ZNF749: variants seen among roughly 807,000 people sequenced by gnomAD.
The protein encoded by ZNF749 is zinc finger protein 749.
Under a neutral mutation model 7.3 loss-of-function variants are expected in ZNF749, and 8 were observed. That is an observed-to-expected ratio of 1.10 (90% CI 0.64 to 1.98). The LOEUF (loss-of-function observed/expected upper bound fraction) is 1.98. ZNF749 is among the 30% of genes most tolerant of loss of function. The pLI is 0.00. For missense variants in ZNF749, 898 were observed against 932.4 expected (o/e 0.96, Z 0.48); for synonymous variants, 310 against 322.4 (o/e 0.96, Z 0.41).
chr19:57,432,771 C>A (rs79167504), upstream of ZNF749, among the ~76,000 whole-genome samples: 1 of 151,854 alleles, frequency 6.6e-6, no homozygotes, highest in Non-Finnish European at 1.5e-5. Context: ...ACAGGTTAGA[C>A]GTTATTTCAC....
In ZNF749 at chr19:57,445,019, G is replaced by T. The variant is rs373133672; in HGVS notation, c.1871G>T (p.Arg624Leu). The change falls in exon 3 of 3, where the codon CGC becomes CTC. Residue 624 changes from arginine (R) to leucine (L), a missense_variant. By Grantham distance (102) the Arg-to-Leu change is moderately radical (BLOSUM62 -2). Transcript: ENST00000334181. The stretch of plus-strand genomic sequence containing the variant: ...AAATGTGGGAAATTCTTTAGATATC[G>T]CTGTACACTGAGTAGACATCAGAAA... Reference protein sequence around the residue: ...CSKCGKFFRYRCTLSRHQKVH... With the variant: ...CSKCGKFFRYLCTLSRHQKVH... 6.2e-7 allele frequency: 1 copy of T among 1,614,186 alleles called. No homozygotes were observed. The highest frequency in any genetic ancestry group is 1.1e-5 in the South Asian group (1 of 91,082).
At chr19:57,440,788 T>A (rs1185461809) in intron 1 of ZNF749, among the ~76,000 whole-genome samples, 1 of 151,872 alleles carries the variant, frequency 6.6e-6, no homozygotes, top group African/African-American at 2.4e-5. Flanking sequence ...AGTTTGGGTG[T>A]CTGGGAGGCA....
In ZNF749 at chr19:57,442,049, G is replaced by A. The variant is rs2088996480; in HGVS notation, c.142+38G>A. 2 of 1,599,814 alleles carry A rather than the reference G, an allele frequency of 1.3e-6. No individual in the cohort carries two copies. The highest frequency in any genetic ancestry group is 1.3e-5 in the African/African-American group (1 of 74,130). On this transcript the variant is annotated intron_variant, in intron 2 of 2. Coordinates refer to ENST00000334181, the MANE Select transcript of ZNF749 (RefSeq NM_001023561.4). The surrounding 1 kb of genome is among the most constrained non-coding windows in gnomAD (Gnocchi z 6.6). Reference sequence around the variant, plus strand: ...TACCTACTCTGGTGTCTTGTGCTGGGTGCTGTTTTTTTGCTCTTTTCCATG... The same window carrying A: ...TACCTACTCTGGTGTCTTGTGCTGGATGCTGTTTTTTTGCTCTTTTCCATG...
rs117168264 is a variant in ZNF749 at position 57,438,105 on chromosome 19, G to A, written c.15+2512G>A. On this transcript the variant is annotated intron_variant, in intron 1 of 2. Transcript: ENST00000334181. Reference sequence around the variant, plus strand: ...GGCTTGCTTCTTCCTGTTACAGGCCGAAAGAATGAGGGTCGTGATCAACTC... The same window carrying A: ...GGCTTGCTTCTTCCTGTTACAGGCCAAAAGAATGAGGGTCGTGATCAACTC... The A allele has an allele frequency of 6.3e-3, 2,527 of 398,852 alleles. 12 individuals carry two copies. Among genetic ancestry groups the A allele is most frequent in the Non-Finnish European group, 6.7e-3 (1,510 of 226,290 alleles). 24.7% of individuals were successfully genotyped at this position (398,852 alleles called of 1,614,324 possible).
In ZNF749 at chr19:57,443,421, A is replaced by T. The variant is rs1018707778; in HGVS notation, c.273A>T (p.Ser91=). Residue 91 remains serine, a synonymous_variant, in exon 3 of 3, where the codon TCA becomes TCT. Transcript: ENST00000334181. ...LKAQPCKMCS[S]ILKDILHLAE... ...CCCAGCCCTGCAAGATGTGTAGCTC[A>T]ATTCTGAAGGACATTCTGCACCTGG... is the stretch of plus-strand genomic sequence containing the variant. 6.2e-7 allele frequency: 1 copy of T among 1,614,140 alleles called. No homozygotes were observed. The highest frequency in any genetic ancestry group is 8.5e-7 in the Non-Finnish European group (1 of 1,180,050).
intron 1 of ZNF749, among the ~76,000 whole-genome samples, chr19:57,441,588 C>T (rs2088990296): frequency 6.6e-6 from 1 of 151,862 alleles, no homozygotes; most frequent in Non-Finnish European, 1.5e-5. Flanking sequence ...GAAAGGCATG[C>T]AGGGTGGGAT....
upstream of ZNF749, among the ~76,000 whole-genome samples, chr19:57,434,029 A>C (rs143030183): frequency 6.6e-6 from 1 of 152,322 alleles, no homozygotes; most frequent in Non-Finnish European, 1.5e-5. Flanking sequence ...CTGAGGCCTT[A>C]TCATAAGGCC....
chr19:57,429,337 C>T, the ZNF749 span, among the ~76,000 whole-genome samples: 2 of 152,192 alleles, frequency 1.3e-5, no homozygotes, highest in African/African-American at 4.8e-5. This position sits in a 1 kb window ranked among gnomAD's most constrained non-coding sequence, Gnocchi z 4.2. Context: ...CATCAATCAA[C>T]ACTTTGATTG....
At position 57,442,015 on chromosome 19, in the gene ZNF749, A is replaced by AG; in HGVS notation, c.142+6dup. On this transcript the variant is annotated splice_donor_region_variant and intron_variant, in intron 2 of 2. Transcript: ENST00000334181. The surrounding 1 kb of genome is among the most constrained non-coding windows in gnomAD (Gnocchi z 6.6). ...TTTGCGCTTTTGTCATCAGTAGGTA[A>AG]GGCCTTCATACCTACTCTGGTGTCT... 6.2e-7 allele frequency: 1 copy of AG among 1,613,760 alleles called. No homozygotes were observed. Among genetic ancestry groups the AG allele is most frequent in the African/African-American group, 1.3e-5 (1 of 75,012 alleles).
At chr19:57,437,741 AG>A (rs1193840650) in intron 1 of ZNF749, among the ~76,000 whole-genome samples, 12 of 151,420 alleles carry the variant, frequency 7.9e-5, no homozygotes, top group African/African-American at 2.9e-4. Flanking sequence ...AAAAAAAAAA[AG>A]GGAAAAATAC....
In ZNF749 at chr19:57,436,161, T is replaced by C. The variant is rs1348674878; in HGVS notation, c.15+568T>C. 6.6e-6 allele frequency among the ~76,000 whole-genome samples: 1 copy of C among 152,144 alleles called. No individual in the cohort carries two copies. Among genetic ancestry groups the C allele is most frequent in the Non-Finnish European group, 1.5e-5 (1 of 68,030 alleles). On this transcript the variant is annotated intron_variant, in intron 1 of 2. Transcript: ENST00000334181. This position sits in a 1 kb window ranked among gnomAD's most constrained non-coding sequence, Gnocchi z 4.0. ...AGTGAATGGTGTCTTCCATAGGTTT[T>C]GTTTTGGCCTGAAAAATCTGAAAGA...
In ZNF749 at chr19:57,442,817, C is replaced by T. The variant is rs1275764058; in HGVS notation, c.143-474C>T. Among the ~76,000 whole-genome samples the T allele has an allele frequency of 6.6e-6, 1 of 152,168 alleles. No homozygotes were observed. The highest frequency in any genetic ancestry group is 2.4e-5 in the African/African-American group (1 of 41,432). ...TTGTTATTTTTACTCTGACTTCTGA[C>T]CCCTGGCTTCCACCTCTGACCCCTC... On this transcript the variant is annotated intron_variant, in intron 2 of 2. Coordinates refer to ENST00000334181, the MANE Select transcript of ZNF749 (RefSeq NM_001023561.4). The surrounding 1 kb of genome is among the most constrained non-coding windows in gnomAD (Gnocchi z 6.6).
chr19:57,445,649 C>T lies in ZNF749; in HGVS notation c.*164C>T, dbSNP rs2123112150. The T allele has an allele frequency of 1.3e-6, 1 of 788,012 alleles. No homozygotes were observed. Among genetic ancestry groups the T allele is most frequent in the African/African-American group, 1.9e-5 (1 of 53,184 alleles). 48.8% of individuals were successfully genotyped at this position (788,012 alleles called of 1,614,324 possible). ...GGAACTACATTAAAAACATTTATGT[C>T]CAGGCGTGGTGGCTCACGCCTGTAA... On this transcript the variant is annotated 3_prime_UTR_variant, in exon 3 of 3. Transcript: ENST00000334181.
chr19:57,435,312 T>G (rs1382399954), upstream of ZNF749: 2 of 591,870 alleles, frequency 3.4e-6, no homozygotes, highest in Admixed American at 3.0e-5. Context: ...GAGGTCTCAA[T>G]TGTGTGGGCG....
intron 1 of ZNF749, chr19:57,438,351 C>T (rs2088955431): frequency 9.5e-6 from 3 of 317,222 alleles, no homozygotes; most frequent in Non-Finnish European, 1.7e-5. Context: ...CTCCTCCTCC[C>T]TTTCATCCTA....
chr19:57,438,595 CAG>C (rs957336264), intron 1 of ZNF749: 1 of 153,374 alleles, frequency 6.5e-6, no homozygotes, highest in African/African-American at 2.4e-5. Flanking sequence ...CATCTTCCCA[CAG>C]GGTCCATTGC....
At chr19:57,441,127 A>AG (rs1312554144) in intron 1 of ZNF749, among the ~76,000 whole-genome samples, 2 of 150,438 alleles carry the variant, frequency 1.3e-5, no homozygotes, top group Admixed American at 6.6e-5. Context: ...AAAAAAAAAA[A>AG]AAAAAAAAAA....
At position 57,443,303 on chromosome 19, in the gene ZNF749, G is replaced by C. The variant is rs1264807184; in HGVS notation, c.155G>C (p.Gly52Ala). The part of the protein sequence containing the change: ...ALLSSVGCWH[G>A]AKDEEVPSKQ... ...TCTGTTCTTACAGGTTGTTGGCATGGAGCCAAGGATGAGGAGGTACCTTCC... is the reference window on the plus strand; with the variant it reads ...TCTGTTCTTACAGGTTGTTGGCATGCAGCCAAGGATGAGGAGGTACCTTCC... The change falls in exon 3 of 3, where the codon GGA becomes GCA. Residue 52 changes from glycine to alanine, a missense_variant. By Grantham distance (60) the Gly-to-Ala change is moderately conservative (BLOSUM62 0). Transcript: ENST00000334181. 2 of 1,601,822 alleles carry C rather than the reference G, an allele frequency of 1.2e-6. No homozygotes were observed. Among genetic ancestry groups the C allele is most frequent in the Admixed American group, 1.7e-5 (1 of 59,224 alleles).
chr19:57,443,114 A>G lies in ZNF749; in HGVS notation c.143-177A>G, dbSNP rs151105211. Among the ~76,000 whole-genome samples the G allele has an allele frequency of 8.0e-4, 121 of 152,106 alleles. 1 individual carries two copies. The highest frequency in any genetic ancestry group is 2.7e-3 in the African/African-American group (113 of 41,488). On this transcript the variant is annotated intron_variant, in intron 2 of 2. Coordinates refer to ENST00000334181, the MANE Select transcript of ZNF749 (RefSeq NM_001023561.4). ...TCCTTACCACCAGGATTCCCCCACTACACACACTTCACAGGCCCACCTCTG... is the reference window on the plus strand; with the variant it reads ...TCCTTACCACCAGGATTCCCCCACTGCACACACTTCACAGGCCCACCTCTG...
Sources: gnomAD v4.1 joint callset for allele counts (sites outside exome capture counted in the v4.1 genomes callset) on GRCh38, gnomAD v4.1.1 for gene constraint, Gnocchi (gnomAD v3.1) non-coding constraint, MANE v1.5 for transcripts, NCBI Gene and HGNC (gene_info 2026-07-23, HGNC 2026-07-21) for gene names.